ZNF385B: variants seen among roughly 807,000 people sequenced by gnomAD.
The protein encoded by ZNF385B is zinc finger protein 533.
In ZNF385B, 23 loss-of-function variants were observed where a neutral mutation model predicts 39.2. The ratio of observed to expected loss-of-function variants is 0.59; its 90% CI spans 0.42 to 0.83. The LOEUF is 0.83. ZNF385B is among the 40% of genes least tolerant of loss of function. The pLI is 0.00. For synonymous variants in ZNF385B, 205 were observed against 222.6 expected (o/e 0.92, Z 0.70); for missense variants, 552 against 598.9 (o/e 0.92, Z 0.82).
intron 3 of ZNF385B, among the ~76,000 whole-genome samples, chr2:179,573,272 C>T (rs1012228573): frequency 1.3e-5 from 2 of 152,114 alleles, no homozygotes; most frequent in Non-Finnish European, 2.9e-5. Context: ...TATCTTTTCT[C>T]AATCTCCAAG....
At chr2:179,724,392 C>T (rs1027248610) in intron 3 of ZNF385B, among the ~76,000 whole-genome samples, 6 of 152,196 alleles carry the variant, frequency 3.9e-5, no homozygotes, top group African/African-American at 7.2e-5. Context: ...TTATCAAGAA[C>T]GAAATCTACA....
intron 3 of ZNF385B, among the ~76,000 whole-genome samples, chr2:179,662,593 T>C: frequency 6.6e-6 from 1 of 152,294 alleles, no homozygotes; most frequent in Non-Finnish European, 1.5e-5. Flanking sequence ...GCAGTAGGAT[T>C]ATCTGTTTTT....
chr2:179,493,256 T>C (rs1299947425), intron 5 of ZNF385B, among the ~76,000 whole-genome samples: 1 of 152,224 alleles, frequency 6.6e-6, no homozygotes, highest in East Asian at 1.9e-4. Flanking sequence ...TTGTGACTTC[T>C]AGGAGCTTAT....
At chr2:179,586,899 C>T (rs867200260) in intron 3 of ZNF385B, among the ~76,000 whole-genome samples, 4 of 151,926 alleles carry the variant, frequency 2.6e-5, no homozygotes, top group African/African-American at 7.3e-5. Flanking sequence ...ATTAGCCGGG[C>T]GTGGTGGCAC....
chr2:179,680,795 A>G (rs1697445416), intron 3 of ZNF385B, among the ~76,000 whole-genome samples: 1 of 152,106 alleles, frequency 6.6e-6, no homozygotes, highest in Admixed American at 6.6e-5. Context: ...TAAAAGTAGT[A>G]AGTAATATTA....
At chr2:179,819,679 G>A (rs1442010048) in intron 1 of ZNF385B, among the ~76,000 whole-genome samples, 1 of 152,216 alleles carries the variant, frequency 6.6e-6, no homozygotes, top group Non-Finnish European at 1.5e-5. Flanking sequence ...CTTTCAGTCT[G>A]TCATAGTCAC....
At chr2:179,533,544 C>T (rs562614510) in intron 4 of ZNF385B, among the ~76,000 whole-genome samples, 154 of 152,166 alleles carry the variant, frequency 1.0e-3, no homozygotes, top group African/African-American at 3.5e-3. Context: ...ACGCCATGCT[C>T]GGAGCACAGG....
intron 5 of ZNF385B, among the ~76,000 whole-genome samples, chr2:179,512,660 G>C (rs1161620456): frequency 6.6e-6 from 1 of 152,174 alleles, no homozygotes; most frequent in Non-Finnish European, 1.5e-5. Flanking sequence ...TTCAGGGTTA[G>C]ACAGCCCCAT....
intron 3 of ZNF385B, among the ~76,000 whole-genome samples, chr2:179,560,623 T>C (rs2061267938): frequency 6.6e-6 from 1 of 152,126 alleles, no homozygotes. Context: ...CCCACCTGTC[T>C]TTTCTGCCTC....
At chr2:179,776,353 G>A (rs149948265) in intron 1 of ZNF385B, among the ~76,000 whole-genome samples, 19 of 152,274 alleles carry the variant, frequency 1.2e-4, no homozygotes, top group African/African-American at 4.1e-4. Context: ...CTTGTTCCAG[G>A]CATTCCTGCT....
At chr2:179,811,278 T>A (rs1157068754) in intron 1 of ZNF385B, among the ~76,000 whole-genome samples, 2 of 152,122 alleles carry the variant, frequency 1.3e-5, no homozygotes, top group African/African-American at 4.8e-5. Flanking sequence ...ACTACCAGCA[T>A]CATTTTTCAC....
At chr2:179,474,611 CTCAT>C (rs1428741526) in intron 6 of ZNF385B, among the ~76,000 whole-genome samples, 3 of 152,038 alleles carry the variant, frequency 2.0e-5, no homozygotes, top group African/African-American at 7.2e-5. Context: ...GCACACAATG[CTCAT>C]TCAGTTACAT....
intron 3 of ZNF385B, among the ~76,000 whole-genome samples, chr2:179,564,647 T>A (rs1684344673): frequency 1.3e-5 from 2 of 152,214 alleles, no homozygotes; most frequent in Non-Finnish European, 2.9e-5. Context: ...ATCTGGCTTA[T>A]GATTTCTCCA....
intron 3 of ZNF385B, among the ~76,000 whole-genome samples, chr2:179,617,621 C>T (rs1877942): frequency 0.22 from 33,356 of 152,012 alleles, 3,833 homozygotes; most frequent in South Asian, 0.3. Context: ...TGCTTCTGTA[C>T]GCCTAGGAGG....
chr2:179,457,864 C>T (rs922161475), intron 6 of ZNF385B, among the ~76,000 whole-genome samples: 1 of 152,028 alleles, frequency 6.6e-6, no homozygotes, highest in Non-Finnish European at 1.5e-5. Context: ...TATGATAACC[C>T]CAATTGTTTA....
chr2:179,792,044 G>A (rs1364568077), intron 1 of ZNF385B, among the ~76,000 whole-genome samples: 1 of 152,100 alleles, frequency 6.6e-6, no homozygotes, highest in African/African-American at 2.4e-5. Context: ...TTACAGACAT[G>A]AGCCACCGTG....
At position 179,479,262 on chromosome 2, in the gene ZNF385B, T is replaced by C. The variant is rs148362008; in HGVS notation, c.715+4010A>G. Among the ~76,000 whole-genome samples, 374 of 152,308 alleles carry C rather than the reference T, an allele frequency of 2.5e-3. 2 individuals carry two copies. Among genetic ancestry groups the C allele is most frequent in the African/African-American group, 8.7e-3 (360 of 41,578 alleles). On this transcript the variant is annotated intron_variant, in intron 6 of 9. Transcript: ENST00000410066. ...AACTTCTTATGATAAATGCAATTCA[T>C]GCTATTATAGTTTAAACCCATTTTG...
chr2:179,565,903 A>G (rs181224142), intron 3 of ZNF385B, among the ~76,000 whole-genome samples: 1 of 152,310 alleles, frequency 6.6e-6, no homozygotes, highest in Admixed American at 6.5e-5. Context: ...TTTTATTTAC[A>G]TCTTCATTAC....
intron 6 of ZNF385B, among the ~76,000 whole-genome samples, chr2:179,458,590 G>A (rs1000706477): frequency 1.3e-5 from 2 of 152,136 alleles, no homozygotes; most frequent in Non-Finnish European, 2.9e-5. Flanking sequence ...CAGAAGCTCT[G>A]AAACCAGAGT....
Sources: allele counts gnomAD v4.1 joint callset (sites outside exome capture counted in the v4.1 genomes callset), GRCh38; gene constraint gnomAD v4.1.1; transcripts MANE v1.5; gene names NCBI Gene and HGNC (gene_info 2026-07-23, HGNC 2026-07-21).